BCL2L11: variants seen among roughly 807,000 people sequenced by gnomAD.
BCL2L11 encodes the protein bcl-2-like protein 11.
In BCL2L11, 15 loss-of-function variants were observed where a neutral mutation model predicts 20.6. That is an observed-to-expected ratio of 0.73 (90% CI 0.49 to 1.12). BCL2L11 has a LOEUF of 1.12. Among genes scored for constraint, BCL2L11 ranks in the 50% most tolerant of loss-of-function variants. BCL2L11 has a pLI of 0.00. For missense variants in BCL2L11, 292 were observed against 260.9 expected, an observed-to-expected ratio of 1.12 and a Z score of -0.82; for synonymous variants, 108 against 92.8, an observed-to-expected ratio of 1.16 and a Z score of -0.94.
intron 3 of BCL2L11, among the ~76,000 whole-genome samples, chr2:111,162,135 C>G (rs1162955492): frequency 6.6e-6 from 1 of 152,200 alleles, no homozygotes; most frequent in Non-Finnish European, 1.5e-5. Flanking sequence ...GCATACACTT[C>G]GAGCCAACAG....
chr2:111,153,634 C>G, intron 3 of BCL2L11: 1 of 930,972 alleles, frequency 1.1e-6, no homozygotes, highest in Non-Finnish European at 1.6e-6. Flanking sequence ...GTGTATCTCA[C>G]TGTGCTGCTT....
At position 111,165,559 on chromosome 2, in the gene BCL2L11, C is replaced by T. The variant is rs1230902895; in HGVS notation, c.*1328C>T. Reference sequence around the variant, plus strand: ...TTGGATATTGTCAGGCCACTTGTGACCCCAGCCATGTAGTGAGGGTGCTCT... The same window carrying T: ...TTGGATATTGTCAGGCCACTTGTGATCCCAGCCATGTAGTGAGGGTGCTCT... On this transcript the variant is annotated 3_prime_UTR_variant, in exon 4 of 4. Coordinates refer to ENST00000393256, the MANE Select transcript of BCL2L11 (RefSeq NM_138621.5). 1.3e-5 allele frequency: 2 copies of T among 152,214 alleles called. No individual in the cohort carries two copies. Among genetic ancestry groups the T allele is most frequent in the Non-Finnish European group, 2.9e-5 (2 of 68,072 alleles). 9.4% of individuals were successfully genotyped at this position (152,214 alleles called of 1,614,324 possible).
chr2:111,163,861 CTTTTTTTT>C (rs10547953), intron 3 of BCL2L11, among the ~76,000 whole-genome samples: 3 of 104,720 alleles, frequency 2.9e-5, no homozygotes, highest in African/African-American at 1.1e-4. Context: ...TTTTTGAGTG[CTTTTTTTT>C]TTTTTTTTTT....
At chr2:111,146,956 G>T (rs2076599320) in intron 2 of BCL2L11, among the ~76,000 whole-genome samples, 1 of 152,130 alleles carries the variant, frequency 6.6e-6, no homozygotes, top group Non-Finnish European at 1.5e-5. Context: ...GGAAATAACT[G>T]TATTTGCATC....
chr2:111,148,080 C>T (rs2076795030), intron 2 of BCL2L11, among the ~76,000 whole-genome samples: 2 of 152,238 alleles, frequency 1.3e-5, no homozygotes, highest in African/African-American at 4.8e-5. Context: ...AAACATCAAT[C>T]TGTAGTTCAC....
chr2:111,120,986 G>A lies in BCL2L11; in HGVS notation c.-216G>A. On this transcript the variant is annotated 5_prime_UTR_variant, in exon 1 of 4. Transcript: ENST00000393256. ...GTCCAGCGCCGCTGCCGCTGCCGCC[G>A]CCGCCGCCGCCGCCGCCGCCGCCGC... 1 of 105,788 alleles carries A rather than the reference G, an allele frequency of 9.5e-6. No homozygotes were observed. The highest frequency in any genetic ancestry group is 1.7e-5 in the Non-Finnish European group (1 of 59,434). 6.6% of individuals were successfully genotyped at this position (105,788 alleles called of 1,614,324 possible).
intron 3 of BCL2L11, among the ~76,000 whole-genome samples, chr2:111,157,980 A>G (rs751085569): frequency 6.6e-6 from 1 of 152,162 alleles, no homozygotes; most frequent in Non-Finnish European, 1.5e-5. Flanking sequence ...GGCACAAGCT[A>G]TGCAAATATC....
intron 2 of BCL2L11, chr2:111,131,968 C>T (rs938432289): frequency 6.6e-6 from 1 of 152,186 alleles, no homozygotes; most frequent in Admixed American, 6.5e-5. Flanking sequence ...ATCTTGGAGG[C>T]ATTCGCAAAA....
chr2:111,128,676 A>G, intron 2 of BCL2L11: 2 of 1,543,394 alleles, frequency 1.3e-6, no homozygotes, highest in Non-Finnish European at 8.7e-7. Flanking sequence ...TTGGATTTAT[A>G]TTTACTGGCT....
chr2:111,159,638 C>T (rs1449666981), intron 3 of BCL2L11, among the ~76,000 whole-genome samples: 1 of 152,208 alleles, frequency 6.6e-6, no homozygotes, highest in Admixed American at 6.5e-5. Flanking sequence ...GAGTGGTGTT[C>T]TGTGATTATT....
At chr2:111,153,634 CTG>C in intron 3 of BCL2L11, 1 of 930,972 alleles carries the variant, frequency 1.1e-6, no homozygotes, top group South Asian at 1.6e-5. Flanking sequence ...GTGTATCTCA[CTG>C]TGCTGCTTTA....
chr2:111,122,985 G>T, intron 1 of BCL2L11: 1 of 985,296 alleles, frequency 1.0e-6, no homozygotes, highest in Non-Finnish European at 1.2e-6. Flanking sequence ...GGCGCGGCGC[G>T]CACCGGTGTC....
chr2:111,161,551 G>C, intron 3 of BCL2L11: 1 of 1,543,518 alleles, frequency 6.5e-7, no homozygotes, highest in Non-Finnish European at 8.7e-7. Flanking sequence ...CCGCTTATGG[G>C]TGTGTTTATT....
intron 3 of BCL2L11, among the ~76,000 whole-genome samples, chr2:111,154,636 G>T (rs2077625281): frequency 6.6e-6 from 1 of 152,306 alleles, no homozygotes; most frequent in African/African-American, 2.4e-5. Flanking sequence ...GGAAGCACAT[G>T]ATGTCCATTT....
Position 111,164,460 on chromosome 2 carries a change from T to C in BCL2L11, c.*229T>C. On this transcript the variant is annotated 3_prime_UTR_variant, in exon 4 of 4. Coordinates refer to ENST00000393256, the MANE Select transcript of BCL2L11 (RefSeq NM_138621.5). ...GTTGTGAATGTAAAGGAGGGAGCAT[T>C]CTTTGCTTTTTAATATACAAACCAT... The C allele has an allele frequency of 9.5e-6, 4 of 421,182 alleles. No individual in the cohort carries two copies. Among genetic ancestry groups the C allele is most frequent in the Non-Finnish European group, 1.3e-5 (3 of 233,778 alleles). 26.1% of individuals were successfully genotyped at this position (421,182 alleles called of 1,614,324 possible).
At chr2:111,140,819 C>A (rs761130930) in intron 2 of BCL2L11, among the ~76,000 whole-genome samples, 1 of 152,164 alleles carries the variant, frequency 6.6e-6, no homozygotes, top group Non-Finnish European at 1.5e-5. Flanking sequence ...AGCAGGAGTG[C>A]AATATTTGTT....
At position 111,164,293 on chromosome 2, in the gene BCL2L11, C is replaced by A; in HGVS notation, c.*62C>A. 8.0e-7 allele frequency: 1 copy of A among 1,245,388 alleles called. No homozygotes were observed. Among genetic ancestry groups the A allele is most frequent in the Non-Finnish European group, 1.2e-6 (1 of 844,200 alleles). The allele number at this position is 1,245,388 out of a possible 1,614,324, so 77.1% of individuals were successfully genotyped here. A position where few individuals can be genotyped will look rare whatever the true frequency, so the allele number is the denominator to read the frequency against. On this transcript the variant is annotated 3_prime_UTR_variant, in exon 4 of 4. Coordinates refer to ENST00000393256, the MANE Select transcript of BCL2L11 (RefSeq NM_138621.5). The stretch of plus-strand genomic sequence containing the variant: ...TTTGCTTGTTCAAACCAACAAGACC[C>A]AGCACCGCGGTCTCCTGGTGCCATT...
chr2:111,122,572 C>T (rs2071313378), intron 1 of BCL2L11: 2 of 981,110 alleles, frequency 2.0e-6, no homozygotes, highest in African/African-American at 3.5e-5. Context: ...ACGCGGGCAC[C>T]CGGCGCCAGC....
At chr2:111,127,478 T>C (rs2072917295) in intron 2 of BCL2L11, among the ~76,000 whole-genome samples, 1 of 151,272 alleles carries the variant, frequency 6.6e-6, no homozygotes, top group African/African-American at 2.4e-5. Context: ...AGCTGGTACT[T>C]GTCTGACCCC....
Sources: allele counts gnomAD v4.1 joint callset (sites outside exome capture counted in the v4.1 genomes callset), GRCh38; gene constraint gnomAD v4.1.1; transcripts MANE v1.5; gene names NCBI Gene and HGNC (gene_info 2026-07-23, HGNC 2026-07-21).